C14orf39: variants seen among roughly 807,000 people sequenced by gnomAD.
C14orf39 encodes the protein chromosome 14 open reading frame 39, also known as protein SIX6OS1.
A neutral mutation model predicts 85.6 loss-of-function variants in C14orf39; 66 were observed. That is an observed-to-expected ratio of 0.77 (90% CI 0.63 to 0.95). The LOEUF is 0.95. Among genes scored for constraint, C14orf39 ranks in the 40% least tolerant of loss-of-function variants. The pLI is 0.00. For synonymous variants in C14orf39, 242 were observed against 214.0 expected (o/e 1.13, Z -1.14); for missense variants, 735 against 663.9 (o/e 1.11, Z -1.18).
intron 1 of C14orf39, chr14:60,509,206 C>A: frequency 1.7e-6 from 1 of 604,314 alleles, no homozygotes; most frequent in Admixed American, 2.8e-5. Context: ...AACCCCAAGC[C>A]GCGGAGCCAG....
rs750464949 is a variant in C14orf39, at chr14:60,458,719, C to A, written c.1138G>T (p.Gly380Trp). ...GATTCTCTTACTTGTCTTACTGTCC[C>A]TTTATCTCCATACTCAGCATCTGTT... ...GDKDAEYGDK[G>W]TVRQVRESKC... Residue 380 changes from glycine (G) to tryptophan (W), a missense_variant, in exon 14 of 18, where the codon GGG becomes TGG. Physicochemically the swap from Gly to Trp is radical, Grantham distance 184. Coordinates refer to ENST00000321731, the MANE Select transcript of C14orf39 (RefSeq NM_174978.3). 6.2e-7 allele frequency: 1 copy of A among 1,601,378 alleles called. No individual in the cohort carries two copies. Among genetic ancestry groups the A allele is most frequent in the Non-Finnish European group, 8.5e-7 (1 of 1,173,602 alleles).
chr14:60,509,209 G>T, intron 1 of C14orf39: 1 of 604,396 alleles, frequency 1.7e-6, no homozygotes, highest in Non-Finnish European at 2.9e-6. Context: ...CCCAAGCCGC[G>T]GAGCCAGCAC....
chr14:60,470,916 T>C (rs1333066217), intron 7 of C14orf39, among the ~76,000 whole-genome samples: 3 of 151,910 alleles, frequency 2.0e-5, no homozygotes, highest in Non-Finnish European at 4.4e-5. Flanking sequence ...CAATTAAGAA[T>C]TACTTAGGCA....
At chr14:60,471,489 T>C in intron 6 of C14orf39, 30 bp from the exon 7 acceptor site, 2 of 1,584,760 alleles carry the variant, frequency 1.3e-6, no homozygotes, top group Non-Finnish European at 1.7e-6. Context: ...CATAAGCTGA[T>C]TATTATATTC....
In C14orf39 at chr14:60,466,901, C is replaced by T. The variant is rs751674570; in HGVS notation, c.895+16G>A. The T allele has an allele frequency of 4.1e-6, 6 of 1,456,172 alleles. No individual in the cohort carries two copies. Among genetic ancestry groups the T allele is most frequent in the South Asian group, 3.1e-5 (2 of 65,192 alleles). 90.2% of individuals were successfully genotyped at this position (1,456,172 alleles called of 1,614,324 possible). On this transcript the variant is annotated intron_variant, in intron 10 of 17. Transcript: ENST00000321731. The stretch of plus-strand genomic sequence containing the variant: ...CAAAAAAAATGATGTTTTTGAATAA[C>T]AAACAGATATTATACCTGCAACTCT...
chr14:60,466,187 A>T (rs948726531), intron 10 of C14orf39, 132 bp from the exon 11 acceptor site: 5 of 429,682 alleles, frequency 1.2e-5, no homozygotes, highest in Non-Finnish European at 2.0e-5. Context: ...TAAAATACGG[A>T]ATTATGAAAT....
At chr14:60,502,612 T>C (rs1163275649) in intron 1 of C14orf39, among the ~76,000 whole-genome samples, 2 of 152,186 alleles carry the variant, frequency 1.3e-5, no homozygotes, top group Non-Finnish European at 2.9e-5. Context: ...TAAAATTTCA[T>C]AGTTTGAAAG....
At chr14:60,513,988 C>T (rs969270538) in intron 1 of C14orf39, among the ~76,000 whole-genome samples, 1 of 152,150 alleles carries the variant, frequency 6.6e-6, no homozygotes, top group African/African-American at 2.4e-5. Flanking sequence ...TATTTAATTT[C>T]ACTTTAGAAT....
intron 16 of C14orf39, among the ~76,000 whole-genome samples, chr14:60,442,751 C>T (rs1025784913): frequency 1.3e-5 from 2 of 152,104 alleles, no homozygotes; most frequent in Admixed American, 1.3e-4. Context: ...ATATAGAAGT[C>T]ACATGTGAAT....
chr14:60,455,643 C>A (rs1891239991), intron 15 of C14orf39, among the ~76,000 whole-genome samples: 1 of 152,130 alleles, frequency 6.6e-6, no homozygotes, highest in South Asian at 2.1e-4. Context: ...AATAATTAGA[C>A]AAGACAGTTT....
chr14:60,501,274 C>A (rs1225065341), intron 1 of C14orf39, among the ~76,000 whole-genome samples: 1 of 146,494 alleles, frequency 6.8e-6, no homozygotes, highest in African/African-American at 2.5e-5. Flanking sequence ...CCACTGCACT[C>A]CATCCTGGGC....
chr14:60,471,659 G>A lies in C14orf39; in HGVS notation c.404C>T (p.Ser135Leu). The change falls in exon 6 of 18, where the codon TCA becomes TTA. Residue 135 changes from serine to leucine, a missense_variant. Coordinates refer to ENST00000321731, the MANE Select transcript of C14orf39 (RefSeq NM_174978.3). The part of the protein sequence containing the change: ...YQLKYSETPF[S>L]REYYEKKREH... ...TCTTTTCTTCTCATAATATTCACGT[G>A]AAAAGGGTGTTTCTGAGTATTTTAG... 1 of 1,609,906 alleles carries A rather than the reference G, an allele frequency of 6.2e-7. No homozygotes were observed. The highest frequency in any genetic ancestry group is 8.5e-7 in the Non-Finnish European group (1 of 1,177,312).
chr14:60,470,135 T>C (rs1892008959), intron 7 of C14orf39, among the ~76,000 whole-genome samples: 2 of 151,828 alleles, frequency 1.3e-5, no homozygotes, highest in South Asian at 2.1e-4. Context: ...TTTCTTGCTC[T>C]GTAAGGCTCA....
In C14orf39 at chr14:60,448,737, T is replaced by C. The variant is rs1595446657; in HGVS notation, c.1503+6264A>G. ...CTATAAAGACACATGCACACGTATG[T>C]TTTTTGTGGCACTATTCACAATAGC... On this transcript the variant is annotated intron_variant, in intron 16 of 17. Transcript: ENST00000321731. Among the ~76,000 whole-genome samples the C allele has an allele frequency of 2.6e-5, 4 of 152,166 alleles. No individual in the cohort carries two copies. The South Asian group carries it at 8.3e-4, about 32-fold the overall frequency.
intron 16 of C14orf39, among the ~76,000 whole-genome samples, chr14:60,450,673 G>A (rs1396689124): frequency 2.0e-5 from 3 of 152,110 alleles, no homozygotes; most frequent in East Asian, 1.9e-4. Context: ...TGAACACAGC[G>A]GGTAGCCAGG....
At chr14:60,450,018 C>T (rs1890960606) in intron 16 of C14orf39, among the ~76,000 whole-genome samples, 1 of 152,176 alleles carries the variant, frequency 6.6e-6, no homozygotes, top group African/African-American at 2.4e-5. Context: ...CCTGAATAAC[C>T]AGGAGTGATA....
intron 16 of C14orf39, among the ~76,000 whole-genome samples, chr14:60,451,286 C>T (rs1358357084): frequency 6.6e-6 from 1 of 152,142 alleles, no homozygotes; most frequent in Non-Finnish European, 1.5e-5. Flanking sequence ...TGTGGTGATT[C>T]CTCAAGGATC....
rs779000535 is a variant in C14orf39 at position 60,457,000 on chromosome 14, A to G, written c.1275T>C (p.Pro425=). ...AENFPRTSEI[P]IFLGTPKAVK... ...CAGCTTTGGGAGTTCCTAAAAATATAGGAATTTCAGACGTTCGTGGAAAAT... is the reference window on the plus strand; with the variant it reads ...CAGCTTTGGGAGTTCCTAAAAATATGGGAATTTCAGACGTTCGTGGAAAAT... The change falls in exon 15 of 18, where the codon CCT becomes CCC. Residue 425 remains proline, a synonymous_variant. Coordinates refer to ENST00000321731, the MANE Select transcript of C14orf39 (RefSeq NM_174978.3). 1 of 1,611,452 alleles carries G rather than the reference A, an allele frequency of 6.2e-7. No homozygotes were observed. Among genetic ancestry groups the G allele is most frequent in the African/African-American group, 1.3e-5 (1 of 74,860 alleles).
chr14:60,513,604 AT>A (rs1893324785), intron 1 of C14orf39, among the ~76,000 whole-genome samples: 1 of 152,100 alleles, frequency 6.6e-6, no homozygotes, highest in Non-Finnish European at 1.5e-5. Context: ...TTGTTGGCAA[AT>A]TTTCTCTTAA....
Sources: gnomAD v4.1 joint callset for allele counts (sites outside exome capture counted in the v4.1 genomes callset) on GRCh38, gnomAD v4.1.1 for gene constraint, MANE v1.5 for transcripts, NCBI Gene and HGNC (gene_info 2026-07-23, HGNC 2026-07-21) for gene names.